The following TXLNB variants were observed in gnomAD, a reference collection of about 807,000 sequenced individuals.
TXLNB encodes the protein beta-taxilin.
In TXLNB, 37 loss-of-function variants were observed where a neutral mutation model predicts 57.4. That is an observed-to-expected ratio of 0.64 (90% CI 0.50 to 0.85). TXLNB has a LOEUF of 0.85. TXLNB is among the 40% of genes least tolerant of loss of function. The pLI, the probability that TXLNB is intolerant of heterozygous loss-of-function variation, is 0.00. For missense variants in TXLNB, 848 were observed against 825.6 expected (o/e 1.03, Z -0.33); for synonymous variants, 302 against 309.6 (o/e 0.98, Z 0.26).
the TXLNB span, among the ~76,000 whole-genome samples, chr6:139,211,842 C>T: frequency 2.6e-5 from 4 of 152,162 alleles, no homozygotes; most frequent in Non-Finnish European, 5.9e-5. Flanking sequence ...GCACAAGCCT[C>T]AGTAACCGAT....
the TXLNB span, among the ~76,000 whole-genome samples, chr6:139,190,305 CTTTCTTTTTT>C: frequency 3.6e-4 from 39 of 108,914 alleles, no homozygotes; most frequent in African/African-American, 1.4e-3. Context: ...TTCTTTCTTT[CTTTCTTTTTT>C]TTTTTTTTTT....
rs778802999 is a variant in TXLNB at position 139,243,006 on chromosome 6, G to C, written c.1575C>G (p.Pro525=). ...STPHQSKETQ[P]EIGSSQESAD... is the part of the protein sequence containing the mutation. The stretch of plus-strand genomic sequence containing the variant: ...CACTCTCCTGAGAACTGCCTATTTC[G>C]GGTTGGGTTTCTTTGGACTGGTGCG... Residue 525 remains proline, a synonymous_variant, in exon 10 of 10, where the codon CCC becomes CCG. Coordinates refer to ENST00000358430, the MANE Select transcript of TXLNB (RefSeq NM_153235.4). 6.2e-7 allele frequency: 1 copy of C among 1,614,110 alleles called. No individual in the cohort carries two copies. Among genetic ancestry groups the C allele is most frequent in the South Asian group, 1.1e-5 (1 of 91,062 alleles).
upstream of TXLNB, among the ~76,000 whole-genome samples, chr6:139,295,363 A>G (rs1188299755): frequency 6.6e-6 from 1 of 152,234 alleles, no homozygotes; most frequent in African/African-American, 2.4e-5. Flanking sequence ...AAGAACACAA[A>G]TTACACGTCT....
At chr6:139,182,699 A>T in the TXLNB span, among the ~76,000 whole-genome samples, 1 of 152,256 alleles carries the variant, frequency 6.6e-6, no homozygotes, top group African/African-American at 2.4e-5. Flanking sequence ...AGTGCTGTAC[A>T]GATGTAATAT....
intron 1 of TXLNB, among the ~76,000 whole-genome samples, chr6:139,289,511 C>T (rs975310613): frequency 1.3e-5 from 2 of 152,174 alleles, no homozygotes; most frequent in Non-Finnish European, 2.9e-5. Flanking sequence ...GTTTTGTCTG[C>T]GGCTTGTCCT....
chr6:139,285,302 A>C (rs1230325261), intron 2 of TXLNB, among the ~76,000 whole-genome samples: 2 of 107,232 alleles, frequency 1.9e-5, no homozygotes, highest in African/African-American at 6.7e-5. Flanking sequence ...ACACACACAC[A>C]CACCCCAATT....
At chr6:139,260,177 GCCACT>G (rs1776444606) in intron 6 of TXLNB, 136 bp downstream of exon 6, 2 of 983,126 alleles carry the variant, frequency 2.0e-6, no homozygotes, top group Non-Finnish European at 2.9e-6. Context: ...CTGAGATCAC[GCCACT>G]GCATTTCAGC....
At chr6:139,314,510 C>T in the TXLNB span, among the ~76,000 whole-genome samples, 14 of 152,352 alleles carry the variant, frequency 9.2e-5, no homozygotes, top group Non-Finnish European at 1.9e-4. Context: ...CTTACATGCA[C>T]TGATGGCTAT....
At chr6:139,219,594 C>T in the TXLNB span, among the ~76,000 whole-genome samples, 2 of 152,124 alleles carry the variant, frequency 1.3e-5, no homozygotes, top group African/African-American at 2.4e-5. Context: ...AGACTGGAGA[C>T]GTCAGGAAGC....
chr6:139,261,965 G>A (rs779010300), intron 5 of TXLNB, among the ~76,000 whole-genome samples: 5 of 145,934 alleles, frequency 3.4e-5, no homozygotes, highest in Admixed American at 1.4e-4. Flanking sequence ...GTGCAGTGGC[G>A]TGATCTCAGC....
Position 139,255,629 on chromosome 6 carries a change from G to T in TXLNB, c.1012C>A (p.Gln338Lys), listed in dbSNP as rs1416583525. 1.2e-6 allele frequency: 2 copies of T among 1,613,294 alleles called. No individual in the cohort carries two copies. The highest frequency in any genetic ancestry group is 1.1e-5 in the South Asian group (1 of 91,010). ...GCCTGAAGTTTCCACTCTGCTGCCT[G>T]GTTCAGCAACTATGAGAAGAGAGAG... ...HKREKEYLLN[Q>K]AAEWKLQAKV... The change falls in exon 7 of 10, where the codon CAG becomes AAG. Residue 338 changes from glutamine to lysine, a missense_variant. By Grantham distance (53) the Gln-to-Lys change is moderately conservative. Coordinates refer to ENST00000358430, the MANE Select transcript of TXLNB (RefSeq NM_153235.4).
At chr6:139,301,115 G>A in the TXLNB span, among the ~76,000 whole-genome samples, 2 of 152,084 alleles carry the variant, frequency 1.3e-5, no homozygotes, top group Non-Finnish European at 1.5e-5. Context: ...AAATAGATGT[G>A]GGACCCCCTG....
the TXLNB span, among the ~76,000 whole-genome samples, chr6:139,317,461 G>A: frequency 8.8e-4 from 134 of 151,608 alleles, 1 homozygote; most frequent in Non-Finnish European, 6.5e-4. Context: ...GTGCAGTGGC[G>A]CAATCTCGGC....
chr6:139,173,409 TC>T, the TXLNB span, among the ~76,000 whole-genome samples: 1 of 152,068 alleles, frequency 6.6e-6, no homozygotes, highest in African/African-American at 2.4e-5. Flanking sequence ...AACGAAGGGC[TC>T]CCCCTAAGTA....
chr6:139,252,197 A>G (rs1423482459), intron 7 of TXLNB, among the ~76,000 whole-genome samples: 1 of 152,234 alleles, frequency 6.6e-6, no homozygotes, highest in South Asian at 2.1e-4. Context: ...TCTCTAGGAA[A>G]ATAACACAAT....
At chr6:139,223,816 G>T in the TXLNB span, among the ~76,000 whole-genome samples, 78,545 of 151,598 alleles carry the variant, frequency 0.52, 21,568 homozygotes, top group East Asian at 0.78. Context: ...GAGAGGATGT[G>T]GAGAAATAGG....
the TXLNB span, among the ~76,000 whole-genome samples, chr6:139,171,340 G>A: frequency 1.3e-5 from 2 of 152,156 alleles, no homozygotes; most frequent in Non-Finnish European, 2.9e-5. Flanking sequence ...TTGTGTGTGC[G>A]TATATATACA....
chr6:139,254,497 G>A (rs563612808), intron 7 of TXLNB, among the ~76,000 whole-genome samples: 25 of 152,316 alleles, frequency 1.6e-4, no homozygotes, highest in African/African-American at 5.5e-4. Flanking sequence ...CCAGGGCAGT[G>A]GAAGTCTGTG....
chr6:139,203,233 A>T, the TXLNB span, among the ~76,000 whole-genome samples: 1 of 152,098 alleles, frequency 6.6e-6, no homozygotes, highest in African/African-American at 2.4e-5. Context: ...GGATAAATAT[A>T]TTCTTATATT....
Sources: gnomAD v4.1 joint callset for allele counts (sites outside exome capture counted in the v4.1 genomes callset) on GRCh38, gnomAD v4.1.1 for gene constraint, MANE v1.5 for transcripts, NCBI Gene and HGNC (gene_info 2026-07-23, HGNC 2026-07-21) for gene names.